RADIL: variants seen among roughly 807,000 people sequenced by gnomAD.
RADIL encodes the protein ras-associating and dilute domain-containing protein.
A neutral mutation model predicts 97.6 loss-of-function variants in RADIL; 99 were observed. The ratio of observed to expected loss-of-function variants is 1.01; its 90% CI spans 0.86 to 1.20. The LOEUF (loss-of-function observed/expected upper bound fraction) is 1.20, where lower values mean the gene tolerates loss of function less well. Ranked by LOEUF, RADIL falls within the 50% of genes most tolerant of loss-of-function variation. RADIL has a pLI of 0.00. For synonymous variants in RADIL, 803 were observed against 691.8 expected (o/e 1.16, Z -2.52); for missense variants, 1,765 against 1,498.9 (o/e 1.18, Z -2.93).
At position 4,840,379 on chromosome 7, in the gene RADIL, A is replaced by G. The variant is rs1238362773; in HGVS notation, c.536-3774T>C. On this transcript the variant is annotated intron_variant, in intron 2 of 14. Coordinates refer to ENST00000399583, the MANE Select transcript of RADIL (RefSeq NM_018059.5). This position sits in a 1 kb window ranked among gnomAD's most constrained non-coding sequence, Gnocchi z 5.6. ...ACTTGGCCTTTGGGTGGAGGGAGAC[A>G]GGAGCCGAGGCACGTGGAGAGCATC... 1.3e-5 allele frequency among the ~76,000 whole-genome samples: 2 copies of G among 152,314 alleles called. No individual in the cohort carries two copies. The highest frequency in any genetic ancestry group is 1.9e-4 in the East Asian group (1 of 5,170).
chr7:4,857,472 C>T (rs1783860931), intron 2 of RADIL, among the ~76,000 whole-genome samples: 1 of 152,098 alleles, frequency 6.6e-6, no homozygotes, highest in African/African-American at 2.4e-5. Flanking sequence ...GACCATAGAT[C>T]GTGTTTTCTT....
At position 4,834,677 on chromosome 7, in the gene RADIL, G is replaced by A. The variant is rs758496020; in HGVS notation, c.1346C>T (p.Thr449Ile). The change falls in exon 4 of 15, where the codon ACC (threonine) becomes ATC (isoleucine). Residue 449 changes from threonine (T) to isoleucine (I), a missense_variant. By Grantham distance (89) the Thr-to-Ile change is moderately conservative (BLOSUM62 -1). Transcript: ENST00000399583. The surrounding 1 kb of genome is among the most constrained non-coding windows in gnomAD (Gnocchi z 6.0). ...LLCLCIQHSA[T>I]HFQPGTFGQL... ...CCCGAATGTGCCCGGCTGGAAGTGG[G>A]TGGCCGAGTGCTGGATGCAGAGGCA... 2.9e-6 allele frequency: 4 copies of A among 1,377,328 alleles called. No homozygotes were observed. The South Asian group carries it at 6.4e-5, about 22-fold the overall frequency. The allele number at this position is 1,377,328 out of a possible 1,614,324, so 85.3% of individuals were successfully genotyped here.
intron 2 of RADIL, among the ~76,000 whole-genome samples, chr7:4,850,158 T>C (rs1000351672): frequency 6.6e-6 from 1 of 151,704 alleles, no homozygotes; most frequent in Non-Finnish European, 1.5e-5. Context: ...ATTCCCTCAT[T>C]GTTTTCTTTT....
In RADIL at chr7:4,878,053, G is replaced by A. The variant is rs563960642; in HGVS notation, c.87C>T (p.Ser29=). The change falls in exon 2 of 15, where the codon TCC becomes TCT. Residue 29 remains serine (S), a synonymous_variant. Coordinates refer to ENST00000399583, the MANE Select transcript of RADIL (RefSeq NM_018059.5). The surrounding 1 kb of genome is among the most constrained non-coding windows in gnomAD (Gnocchi z 4.1). ...CCCGGTACTTGTAGCTCAGCGTCCG[G>A]GACAGCATGCTGGACAACAGCTGGC... ...RQSQLLSSML[S]RTLSYKYRDL... is the part of the protein sequence containing the mutation. 3 of 1,604,272 alleles carry A rather than the reference G, an allele frequency of 1.9e-6. No individual in the cohort carries two copies. In the South Asian group the frequency reaches 3.4e-5, roughly 18 times the overall value.
In RADIL at chr7:4,817,261, T is replaced by G. The variant is rs1782701532; in HGVS notation, c.1706A>C (p.Gln569Pro). Residue 569 changes from glutamine (Q) to proline (P), a missense_variant, in exon 7 of 15, where the codon CAG (glutamine) becomes CCG (proline). Coordinates refer to ENST00000399583, the MANE Select transcript of RADIL (RefSeq NM_018059.5). The surrounding 1 kb of genome is among the most constrained non-coding windows in gnomAD (Gnocchi z 8.3). ...LEEVVLYAFQ[Q>P]CVYYVSKSLY... ...CACCTTGGAGACATAGTAGACGCAC[T>G]GCTGGAAGGCGTACAGCACCACCTC... 1 of 1,612,464 alleles carries G rather than the reference T, an allele frequency of 6.2e-7. No individual in the cohort carries two copies. The highest frequency in any genetic ancestry group is 2.2e-5 in the East Asian group (1 of 44,862).
At position 4,883,100 on chromosome 7, in the gene RADIL, A is replaced by C. The variant is rs1211594515; in HGVS notation, c.-65+496T>G. Among the ~76,000 whole-genome samples the C allele has an allele frequency of 6.6e-6, 1 of 150,900 alleles. No individual in the cohort carries two copies. Among genetic ancestry groups the C allele is most frequent in the African/African-American group, 2.5e-5 (1 of 40,210 alleles). On this transcript the variant is annotated intron_variant, in intron 1 of 14. Transcript: ENST00000399583. The surrounding 1 kb of genome is among the most constrained non-coding windows in gnomAD (Gnocchi z 7.1). ...GGCGCACGAGTGGGGATCGGGCTGC[A>C]ACCGGGACGGGGTATGTGCAGGGGA... is the stretch of plus-strand genomic sequence containing the variant.
At chr7:4,807,110 C>A (rs1452743461) in intron 9 of RADIL, among the ~76,000 whole-genome samples, 2 of 152,126 alleles carry the variant, frequency 1.3e-5, no homozygotes, top group Non-Finnish European at 2.9e-5. Flanking sequence ...TGTGGCCTCG[C>A]TGCTGGGTCC....
chr7:4,851,175 T>G (rs1402903381), intron 2 of RADIL, among the ~76,000 whole-genome samples: 1 of 148,370 alleles, frequency 6.7e-6, no homozygotes, highest in Non-Finnish European at 1.5e-5. Context: ...ATTGCCTGGG[T>G]GACAAGAGCA....
At chr7:4,860,170 T>C (rs750508378) in intron 2 of RADIL, 2 of 1,614,058 alleles carry the variant, frequency 1.2e-6, no homozygotes, top group Non-Finnish European at 1.7e-6. Context: ...TGCTAATCAA[T>C]GGGCCTGTCT....
rs1173975605 is a variant in RADIL at position 4,822,401 on chromosome 7, G to A, written c.1608C>T (p.Asp536=). 2 of 1,610,916 alleles carry A rather than the reference G, an allele frequency of 1.2e-6. No homozygotes were observed. Among genetic ancestry groups the A allele is most frequent in the African/African-American group, 1.3e-5 (1 of 75,064 alleles). Residue 536 remains aspartate, a synonymous_variant, in exon 6 of 15, where the codon GAC becomes GAT. Coordinates refer to ENST00000399583, the MANE Select transcript of RADIL (RefSeq NM_018059.5). This position sits in a 1 kb window ranked among gnomAD's most constrained non-coding sequence, Gnocchi z 5.3. ...LYMQSMEEQL[D]ITGSKESLFS... ...GGGCAGCGCCAGCCGTACCTGTGAT[G>A]TCCAGCTGCTCCTCCATGCTCTGCA...
Position 4,803,642 on chromosome 7 carries a change from G to C in RADIL, c.2403C>G (p.Leu801=). 8 of 1,550,384 alleles carry C rather than the reference G, an allele frequency of 5.2e-6. No individual in the cohort carries two copies. In the South Asian group the frequency reaches 5.9e-5, roughly 12 times the overall value. ...CLDDSIYQHL[L]YVRHFLWGLR... ...GACCCCACAGAAAGTGGCGGACGTAGAGCAGGTGCTGGTAGATGCTGTCGT... is the reference window on the plus strand; with the variant it reads ...GACCCCACAGAAAGTGGCGGACGTACAGCAGGTGCTGGTAGATGCTGTCGT... The change falls in exon 11 of 15, where the codon CTC becomes CTG. Residue 801 remains leucine (L), a synonymous_variant. Coordinates refer to ENST00000399583, the MANE Select transcript of RADIL (RefSeq NM_018059.5).
rs534733125 is a variant in RADIL, at chr7:4,821,188, G to C, written c.1615+1206C>G. On this transcript the variant is annotated intron_variant, in intron 6 of 14. Transcript: ENST00000399583. This position sits in a 1 kb window ranked among gnomAD's most constrained non-coding sequence, Gnocchi z 5.2. Reference sequence around the variant, plus strand: ...GCTCTGAATGCACCACTCCCTACCCGGATCCTCCAGAAGCCAGACCGCCAC... The same window carrying C: ...GCTCTGAATGCACCACTCCCTACCCCGATCCTCCAGAAGCCAGACCGCCAC... Among the ~76,000 whole-genome samples, 5 of 152,146 alleles carry C rather than the reference G, an allele frequency of 3.3e-5. No homozygotes were observed. The highest frequency in any genetic ancestry group is 7.4e-5 in the Non-Finnish European group (5 of 68,020).
At chr7:4,841,561 C>T (rs1783440216) in intron 2 of RADIL, among the ~76,000 whole-genome samples, 1 of 152,196 alleles carries the variant, frequency 6.6e-6, no homozygotes, top group African/African-American at 2.4e-5. Context: ...CCGGCGGGCG[C>T]GGGTCTCCCC....
intron 2 of RADIL, among the ~76,000 whole-genome samples, chr7:4,870,297 A>G (rs1392050363): frequency 6.6e-6 from 1 of 152,228 alleles, no homozygotes; most frequent in Non-Finnish European, 1.5e-5. Flanking sequence ...TCAAAACAAA[A>G]GAACGATACA....
intron 9 of RADIL, among the ~76,000 whole-genome samples, chr7:4,807,976 T>A (rs2115172062): frequency 2.2e-5 from 1 of 45,272 alleles, no homozygotes; most frequent in Non-Finnish European, 3.7e-5. Flanking sequence ...CTCTCCCTCC[T>A]CCCTCTCTCC....
rs1251953426 is a variant in RADIL at position 4,799,083 on chromosome 7, G to A, written c.*295C>T. ...GCAGCCCACGCCTGCTGCCCGAGTT[G>A]AGACCCCAGCAGGGCACCCTCTAAG... On this transcript the variant is annotated 3_prime_UTR_variant, in exon 15 of 15. Coordinates refer to ENST00000399583, the MANE Select transcript of RADIL (RefSeq NM_018059.5). The A allele has an allele frequency of 5.2e-6, 2 of 386,178 alleles. No individual in the cohort carries two copies. The highest frequency in any genetic ancestry group is 1.2e-4 in the East Asian group (2 of 17,254). 23.9% of individuals were successfully genotyped at this position (386,178 alleles called of 1,614,324 possible).
intron 8 of RADIL, 96 bp downstream of exon 8, chr7:4,816,132 C>T (rs1415098676): frequency 8.1e-7 from 1 of 1,233,866 alleles, no homozygotes; most frequent in Non-Finnish European, 1.2e-6. Context: ...CCAAAAAGGG[C>T]AGAGCCGCCT....
Position 4,805,610 on chromosome 7 carries a change from G to C in RADIL, c.2246C>G (p.Thr749Ser), listed in dbSNP as rs899882841. The change falls in exon 10 of 15, where the codon ACC (threonine) becomes AGC (serine). Residue 749 changes from threonine (T) to serine (S), a missense_variant. Physicochemically the swap from Thr to Ser is moderately conservative, Grantham distance 58 (BLOSUM62 1). Coordinates refer to ENST00000399583, the MANE Select transcript of RADIL (RefSeq NM_018059.5). ...GCTGTCCTGGGCCCCTGGCTCCCAG[G>C]TGCTCATGGGGCCCATGGCCGAGGC... ...QLASAMGPMS[T>S]WEPGAQDSPE... The C allele has an allele frequency of 1.9e-6, 3 of 1,611,700 alleles. No individual in the cohort carries two copies. The highest frequency in any genetic ancestry group is 2.7e-5 in the African/African-American group (2 of 74,936).
At chr7:4,809,364 C>G in intron 9 of RADIL, 3 of 985,330 alleles carry the variant, frequency 3.0e-6, no homozygotes, top group Non-Finnish European at 3.6e-6. Context: ...GAAATATCCC[C>G]GCCCGGCTGA....
Sources: allele counts gnomAD v4.1 joint callset (sites outside exome capture counted in the v4.1 genomes callset), GRCh38; gene constraint gnomAD v4.1.1; non-coding constraint Gnocchi (gnomAD v3.1); transcripts MANE v1.5; gene names NCBI Gene and HGNC (gene_info 2026-07-23, HGNC 2026-07-21).